Variants in SYNE1 observed in about 807,000 individuals in gnomAD.
SYNE1 encodes the protein nesprin-1.
A neutral mutation model predicts 1,111.0 loss-of-function variants in SYNE1; 616 were observed. That is an observed-to-expected ratio of 0.55 (90% CI 0.52 to 0.59). SYNE1 has a LOEUF of 0.59. Among genes scored for constraint, SYNE1 ranks in the 20% least tolerant of loss-of-function variants. SYNE1 has a pLI of 0.00. For synonymous variants in SYNE1, 3,855 were observed against 3,825.8 expected (o/e 1.01, Z -0.28); for missense variants, 10,006 against 10,417.0 (o/e 0.96, Z 1.72).
chr6:152,123,938 A>G (rs1275165541), intron 145 of SYNE1, among the ~76,000 whole-genome samples: 1 of 152,214 alleles, frequency 6.6e-6, no homozygotes, highest in Non-Finnish European at 1.5e-5. Context: ...ATGCGGAGTG[A>G]CACCTAAGAA....
chr6:152,208,307 A>G (rs1239627858), intron 124 of SYNE1, 101 bp from the exon 125 acceptor site: 2 of 1,061,986 alleles, frequency 1.9e-6, no homozygotes, highest in African/African-American at 3.1e-5. Flanking sequence ...AGCCCTGAGA[A>G]GTGATCTAGG....
intron 96 of SYNE1, among the ~76,000 whole-genome samples, chr6:152,283,771 G>A (rs1039435765): frequency 6.6e-6 from 1 of 152,052 alleles, no homozygotes; most frequent in African/African-American, 2.4e-5. Flanking sequence ...TCCTGACCTC[G>A]TGATTCACCT....
At position 152,336,929 on chromosome 6, in the gene SYNE1, T is replaced by G; in HGVS notation, c.12440A>C (p.Gln4147Pro). The G allele has an allele frequency of 6.2e-7, 1 of 1,614,200 alleles. No individual in the cohort carries two copies. Among genetic ancestry groups the G allele is most frequent in the Non-Finnish European group, 8.5e-7 (1 of 1,180,040 alleles). ...HLKSELWIYL[Q>P]DADQQLQNMK... ...GTTCTGCAGTTGCTGATCAGCATCTTGCAGGTAAATCCAGAGCTCAGACTT... is the reference window on the plus strand; with the variant it reads ...GTTCTGCAGTTGCTGATCAGCATCTGGCAGGTAAATCCAGAGCTCAGACTT... The change falls in exon 76 of 146, where the codon CAA (glutamine) becomes CCA (proline). Residue 4147 changes from glutamine (Q) to proline (P), a missense_variant. Around this residue, in one of 7 missense-constraint regions of SYNE1, gnomAD observed 4,955 missense variants for 5,017.2 expected, o/e 0.99. Coordinates refer to ENST00000367255, the MANE Select transcript of SYNE1 (RefSeq NM_182961.4).
At chr6:152,286,851 C>G (rs1447296581) in intron 95 of SYNE1, among the ~76,000 whole-genome samples, 1 of 152,112 alleles carries the variant, frequency 6.6e-6, no homozygotes, top group East Asian at 1.9e-4. Flanking sequence ...TCAATATTTC[C>G]CTTTATTGTT....
chr6:152,536,376 T>TATATATATATAA (rs1564708961), intron 4 of SYNE1, among the ~76,000 whole-genome samples: 1 of 87,246 alleles, frequency 1.1e-5, no homozygotes, highest in East Asian at 4.7e-4. Context: ...ATATATATAG[T>TATATATATATAA]AATATATATA....
intron 126 of SYNE1, among the ~76,000 whole-genome samples, chr6:152,204,916 A>G (rs774022990): frequency 6.6e-6 from 1 of 152,186 alleles, no homozygotes; most frequent in Non-Finnish European, 1.5e-5. Flanking sequence ...TATGATTAAC[A>G]TGTTCTCTAC....
intron 3 of SYNE1, among the ~76,000 whole-genome samples, chr6:152,598,156 C>T (rs891406400): frequency 3.3e-5 from 5 of 152,076 alleles, no homozygotes; most frequent in African/African-American, 1.2e-4. Context: ...CCCGTGATTC[C>T]CATGTGTTGT....
chr6:152,633,430 T>C (rs1245175832), intron 2 of SYNE1, among the ~76,000 whole-genome samples: 2 of 152,232 alleles, frequency 1.3e-5, no homozygotes, highest in East Asian at 3.8e-4. Context: ...CAAGCCCCTC[T>C]TACAGCTTAT....
Position 152,444,550 on chromosome 6 carries a change from T to C in SYNE1, c.3698A>G (p.Asp1233Gly). The C allele has an allele frequency of 6.2e-7, 1 of 1,612,382 alleles. No individual in the cohort carries two copies. Among genetic ancestry groups the C allele is most frequent in the Non-Finnish European group, 8.5e-7 (1 of 1,179,676 alleles). ...GACTATTTCTTTGTACTGGACACAG[T>C]CCCCAAAATTGCTTAGCATCTTTTC... ...EVEKMLSNFG[D>G]CVQYKEIVKN... is the part of the protein sequence containing the mutation. The change falls in exon 30 of 146, where the codon GAC (aspartate) becomes GGC (glycine). Residue 1233 changes from aspartate to glycine, a missense_variant. Physicochemically the swap from Asp to Gly is moderately conservative, Grantham distance 94. Transcript: ENST00000367255.
intron 43 of SYNE1, 66 bp from the exon 44 acceptor site, chr6:152,409,292 G>A (rs1197977151): frequency 1.4e-5 from 21 of 1,509,488 alleles, no homozygotes; most frequent in Non-Finnish European, 1.9e-5. Flanking sequence ...AAAACCATTT[G>A]TCTCTAAGAA....
At chr6:152,385,527 C>T (rs1476359531) in intron 55 of SYNE1, 147 bp downstream of exon 55, 5 of 839,168 alleles carry the variant, frequency 6.0e-6, no homozygotes, top group Non-Finnish European at 9.5e-6. Context: ...TCTCATGACT[C>T]TTGTTTATGT....
In SYNE1 at chr6:152,149,617, C is replaced by A. The variant is rs17082236; in HGVS notation, c.24502G>T (p.Ala8168Ser). The A allele has an allele frequency of 0.06, 97,119 of 1,613,862 alleles. 5,404 individuals carry two copies. Among genetic ancestry groups the A allele is most frequent in the African/African-American group, 0.29 (21,803 of 74,886 alleles). The change falls in exon 136 of 146, where the codon GCC (alanine) becomes TCC (serine). Residue 8168 changes from alanine (A) to serine (S), a missense_variant. Around this residue, in one of 7 missense-constraint regions of SYNE1, gnomAD observed 761 missense variants for 795.5 expected, o/e 0.96. Coordinates refer to ENST00000367255, the MANE Select transcript of SYNE1 (RefSeq NM_182961.4). ...TTTTCTATCAGCTGTTCTCCTTGGGCAATTATCTGCTCAATCTTATTGTGG... is the reference window on the plus strand; with the variant it reads ...TTTTCTATCAGCTGTTCTCCTTGGGAAATTATCTGCTCAATCTTATTGTGG... ...LNHNKIEQII[A>S]QGEQLIEKSE... is the part of the protein sequence containing the mutation.
intron 91 of SYNE1, among the ~76,000 whole-genome samples, chr6:152,306,679 C>A (rs2095389001): frequency 6.7e-6 from 1 of 149,148 alleles, no homozygotes; most frequent in South Asian, 2.1e-4. Context: ...AGTTTGAGAC[C>A]AACCTGGATA....
rs149855058 is a variant in SYNE1, at chr6:152,364,069, C to T, written c.10145+778G>A. Among the ~76,000 whole-genome samples, 769 of 152,194 alleles carry T rather than the reference C, an allele frequency of 5.1e-3. 9 individuals are homozygous for T. The highest frequency in any genetic ancestry group is 0.018 in the African/African-American group (742 of 41,540). On this transcript the variant is annotated intron_variant, in intron 63 of 145. Coordinates refer to ENST00000367255, the MANE Select transcript of SYNE1 (RefSeq NM_182961.4). ...GGTAATTGAATCATGGGGGTGGTTT[C>T]CCCCATGCTGTTCTCGTGATAGTCA... is the stretch of plus-strand genomic sequence containing the variant.
intron 145 of SYNE1, among the ~76,000 whole-genome samples, chr6:152,124,958 C>T (rs900577082): frequency 6.6e-6 from 1 of 152,212 alleles, no homozygotes; most frequent in African/African-American, 2.4e-5. Context: ...CACAGCAGTC[C>T]TCTGCGGTGT....
chr6:152,133,470 A>G lies in SYNE1; in HGVS notation c.25807T>C (p.Leu8603=), dbSNP rs1020860180. ...GAGGCTACTCTGAGTTGGGATTCCAACAGCTCATGCTTTATTTGCTATGCA... is the reference window on the plus strand; with the variant it reads ...GAGGCTACTCTGAGTTGGGATTCCAGCAGCTCATGCTTTATTTGCTATGCA... ...KQLMQIKHEL[L]ESQLRVASLQ... The change falls in exon 143 of 146, where the codon TTG becomes CTG. Residue 8603 remains leucine (L), a synonymous_variant. Transcript: ENST00000367255. The G allele has an allele frequency of 1.9e-6, 3 of 1,614,112 alleles. No individual in the cohort carries two copies. Among genetic ancestry groups the G allele is most frequent in the Non-Finnish European group, 2.5e-6 (3 of 1,180,050 alleles).
chr6:152,493,349 G>T (rs1243691910), intron 11 of SYNE1, among the ~76,000 whole-genome samples: 1 of 151,982 alleles, frequency 6.6e-6, no homozygotes, highest in Non-Finnish European at 1.5e-5. Flanking sequence ...ATTCTGTTCT[G>T]GATTTCAAAG....
intron 130 of SYNE1, among the ~76,000 whole-genome samples, chr6:152,173,109 C>A (rs2065603906): frequency 6.6e-6 from 1 of 152,004 alleles, no homozygotes; most frequent in South Asian, 2.1e-4. Flanking sequence ...TTTTGTTGCC[C>A]TAAAAAATTG....
chr6:152,313,731 A>C (rs1157238933), intron 87 of SYNE1, among the ~76,000 whole-genome samples: 3 of 152,082 alleles, frequency 2.0e-5, no homozygotes, highest in Non-Finnish European at 4.4e-5. Flanking sequence ...CTCAAAGAAC[A>C]CAATGGCTTT....
Sources: gnomAD v4.1 joint callset for allele counts (sites outside exome capture counted in the v4.1 genomes callset) on GRCh38, gnomAD v4.1.1 for gene constraint, gnomAD v4.1.1 regional missense constraint, MANE v1.5 for transcripts, NCBI Gene and HGNC (gene_info 2026-07-23, HGNC 2026-07-21) for gene names.